NME7: variants seen among roughly 807,000 people sequenced by gnomAD.
NME7 encodes the protein nucleoside diphosphate kinase 7.
NME7 carries 41 observed loss-of-function variants against 49.1 expected under a neutral mutation model. The ratio of observed to expected loss-of-function variants is 0.83; its 90% confidence interval spans 0.65 to 1.08. The LOEUF (loss-of-function observed/expected upper bound fraction) is 1.08. NME7 is among the 50% of genes least tolerant of loss of function. The pLI, the probability that NME7 is intolerant of heterozygous loss-of-function variation, is 0.00. For synonymous variants in NME7, 139 were observed against 150.6 expected, an observed-to-expected ratio of 0.92 and a Z score of 0.56; for missense variants, 423 against 463.4, an observed-to-expected ratio of 0.91 and a Z score of 0.80.
In NME7 at chr1:169,178,594, C is replaced by T. The variant is rs189501390; in HGVS notation, c.991-9040G>A. Among the ~76,000 whole-genome samples, 15 of 152,212 alleles carry T rather than the reference C, an allele frequency of 9.9e-5. No individual in the cohort carries two copies. In the South Asian group the frequency reaches 1.7e-3, roughly 17 times the overall value. On this transcript the variant is annotated intron_variant, in intron 10 of 11. Transcript: ENST00000367811. ...TTCGTAAATAGCTACTTCCTTGAATCGAACTCCTTTAAAAAACATCCCTAA... is the reference window on the plus strand; with the variant it reads ...TTCGTAAATAGCTACTTCCTTGAATTGAACTCCTTTAAAAAACATCCCTAA...
At chr1:169,337,602 A>T (rs1652531433) in intron 1 of NME7, among the ~76,000 whole-genome samples, 1 of 152,190 alleles carries the variant, frequency 6.6e-6, no homozygotes, top group South Asian at 2.1e-4. Flanking sequence ...GCCAAGAGCG[A>T]CTGAGGACTG....
chr1:169,210,201 T>C (rs541889838), intron 10 of NME7, among the ~76,000 whole-genome samples: 1 of 152,300 alleles, frequency 6.6e-6, no homozygotes, highest in East Asian at 1.9e-4. Flanking sequence ...AAGTGAAATT[T>C]ATTTCTAGTT....
At chr1:169,237,257 A>C (rs1407352122) in intron 8 of NME7, among the ~76,000 whole-genome samples, 1 of 152,174 alleles carries the variant, frequency 6.6e-6, no homozygotes, top group African/African-American at 2.4e-5. Flanking sequence ...TGTTTAGTGA[A>C]GAATCCAGAA....
chr1:169,242,041 A>G (rs975940395), intron 7 of NME7, among the ~76,000 whole-genome samples: 1 of 152,032 alleles, frequency 6.6e-6, no homozygotes, highest in East Asian at 1.9e-4. Context: ...TTCCTGCCTC[A>G]GGCTCCTAAA....
At chr1:169,337,208 C>CGA (rs1416585011) in intron 1 of NME7, among the ~76,000 whole-genome samples, 2 of 152,226 alleles carry the variant, frequency 1.3e-5, no homozygotes, top group Non-Finnish European at 2.9e-5. Context: ...CTGCAGGTCC[C>CGA]GAGCCGTGCC....
At chr1:169,342,984 T>A (rs1338556762) in intron 1 of NME7, among the ~76,000 whole-genome samples, 1 of 99,334 alleles carries the variant, frequency 1.0e-5, no homozygotes, top group Non-Finnish European at 2.3e-5. Flanking sequence ...AGTACATATA[T>A]ATACTTGTAT....
rs1017899044 is a variant in NME7, at chr1:169,270,202, G to A, written c.754+17101C>T. 1.9e-4 allele frequency among the ~76,000 whole-genome samples: 26 copies of A among 134,702 alleles called. 3 individuals are homozygous for A. The highest frequency in any genetic ancestry group is 6.5e-4 in the African/African-American group (26 of 39,778). 88.4% of individuals were successfully genotyped at this position (134,702 alleles called of 152,430 possible). A position where few individuals can be genotyped will look rare whatever the true frequency, so the allele number is the denominator to read the frequency against. Reference sequence around the variant, plus strand: ...ATGAAACTAAACTTCAAAAAGGACTGTTATAAACAATGCAGTAAAATTGTT... The same window carrying A: ...ATGAAACTAAACTTCAAAAAGGACTATTATAAACAATGCAGTAAAATTGTT... On this transcript the variant is annotated intron_variant, in intron 7 of 11. Transcript: ENST00000367811.
chr1:169,208,520 G>A (rs576545868), intron 10 of NME7, among the ~76,000 whole-genome samples: 2 of 152,192 alleles, frequency 1.3e-5, no homozygotes, highest in East Asian at 1.9e-4. Context: ...AAAAATGGCT[G>A]TTAACAGCTA....
At chr1:169,313,038 C>A (rs1651459057) in intron 3 of NME7, among the ~76,000 whole-genome samples, 3 of 151,920 alleles carry the variant, frequency 2.0e-5, no homozygotes, top group South Asian at 4.1e-4. Flanking sequence ...AAATGAGGCA[C>A]CTGTAATTTG....
intron 7 of NME7, among the ~76,000 whole-genome samples, chr1:169,242,358 A>G (rs1418195802): frequency 4.6e-5 from 7 of 152,032 alleles, no homozygotes; most frequent in Non-Finnish European, 1.0e-4. Flanking sequence ...ACAGAAAAAA[A>G]CATTTGAAAA....
intron 10 of NME7, among the ~76,000 whole-genome samples, chr1:169,183,669 G>C (rs1176367415): frequency 3.1e-5 from 4 of 128,444 alleles, no homozygotes; most frequent in Non-Finnish European, 7.2e-5. Flanking sequence ...GGGCATGGTG[G>C]CAGGCGCCTG....
rs1317393008 is a variant in NME7, at chr1:169,275,804, G to A, written c.754+11499C>T. 3.7e-5 allele frequency among the ~76,000 whole-genome samples: 5 copies of A among 133,476 alleles called. 1 individual carries two copies. The highest frequency in any genetic ancestry group is 2.3e-4 in the South Asian group (1 of 4,340). The allele number at this position is 133,476 out of a possible 152,430, so 87.6% of individuals were successfully genotyped here. ...TGCTTCCAGTTTTTGCCCATTCAGT[G>A]TGATACTGGCTGTGGGTTTGTCATA... On this transcript the variant is annotated intron_variant, in intron 7 of 11. Transcript: ENST00000367811.
chr1:169,360,885 CAATT>C (rs1476017001), intron 1 of NME7, among the ~76,000 whole-genome samples: 2 of 152,102 alleles, frequency 1.3e-5, no homozygotes, highest in Admixed American at 6.6e-5. Flanking sequence ...AGGAAAAAAA[CAATT>C]AAAGAGTTTT....
intron 10 of NME7, among the ~76,000 whole-genome samples, chr1:169,172,132 C>T (rs1160304732): frequency 1.3e-5 from 2 of 152,124 alleles, no homozygotes; most frequent in Admixed American, 6.5e-5. Context: ...CTCAGCCTTG[C>T]ATCCATATGT....
At chr1:169,150,380 A>T (rs1031026443) in intron 11 of NME7, among the ~76,000 whole-genome samples, 15 of 152,182 alleles carry the variant, frequency 9.9e-5, no homozygotes, top group African/African-American at 3.6e-4. Context: ...TTAATGGACA[A>T]ATAGTTGCTA....
chr1:169,363,412 G>A (rs1426026997), intron 1 of NME7, among the ~76,000 whole-genome samples: 4 of 152,040 alleles, frequency 2.6e-5, no homozygotes, highest in East Asian at 1.9e-4. Flanking sequence ...GTTCATGAAC[G>A]TTACCCTTAC....
chr1:169,234,074 A>T (rs1184064780), intron 9 of NME7, among the ~76,000 whole-genome samples: 2 of 152,200 alleles, frequency 1.3e-5, no homozygotes, highest in African/African-American at 2.4e-5. Context: ...GAAAGAAAAA[A>T]CATGTTAAAC....
At chr1:169,350,048 G>T (rs6686204) in intron 1 of NME7, among the ~76,000 whole-genome samples, 81,782 of 151,276 alleles carry the variant, frequency 0.54, 22,829 homozygotes, top group Non-Finnish European at 0.61. Context: ...AAAACATAGC[G>T]GAGTGTGGTG....
chr1:169,304,178 G>A lies in NME7; in HGVS notation c.390-983C>T, dbSNP rs979400030. On this transcript the variant is annotated intron_variant, in intron 4 of 11. Coordinates refer to ENST00000367811, the MANE Select transcript of NME7 (RefSeq NM_013330.5). ...ATTACCACTAAAGAATATCTACAGC[G>A]GCAATAAAAGAATGCATTTTAAACT... is the stretch of plus-strand genomic sequence containing the variant. Among the ~76,000 whole-genome samples the A allele has an allele frequency of 4.6e-5, 7 of 151,916 alleles. 1 individual carries two copies. Among genetic ancestry groups the A allele is most frequent in the East Asian group, 1.9e-4 (1 of 5,192 alleles).
Sources: gnomAD v4.1 joint callset for allele counts (sites outside exome capture counted in the v4.1 genomes callset) on GRCh38, gnomAD v4.1.1 for gene constraint, MANE v1.5 for transcripts, NCBI Gene and HGNC (gene_info 2026-07-23, HGNC 2026-07-21) for gene names.